Variants in ZFHX3 observed in about 807,000 individuals in gnomAD.
ZFHX3 encodes zinc finger homeobox protein 3.
A neutral mutation model predicts 279.1 loss-of-function variants in ZFHX3; 42 were observed. That is an observed-to-expected ratio of 0.15 (90% CI 0.12 to 0.19). The LOEUF (loss-of-function observed/expected upper bound fraction) is 0.19. ZFHX3 is among the 10% of genes least tolerant of loss of function. The pLI, the probability that ZFHX3 is intolerant of heterozygous loss-of-function variation, is 1.00. For missense variants in ZFHX3, 4,981 were observed against 4,754.0 expected (o/e 1.05, Z -1.40); for synonymous variants, 2,293 against 1,957.8 (o/e 1.17, Z -4.52).
chr16:73,879,763 T>A lies in ZFHX3; in HGVS notation c.-1608+11888A>T, dbSNP rs555463099. On this transcript the variant is annotated intron_variant, in intron 1 of 17. Transcript: ENST00000641206. ...CACAGTGTTGACATTTGGGGCCAGA[T>A]AATTACTGTAGGATGGTGAGCAGTG... Among the ~76,000 whole-genome samples, 3 of 152,200 alleles carry A rather than the reference T, an allele frequency of 2.0e-5. No individual in the cohort carries two copies. The East Asian group carries it at 5.8e-4, about 29-fold the overall frequency.
intron 3 of ZFHX3, among the ~76,000 whole-genome samples, chr16:72,903,299 C>G (rs2039086005): frequency 6.6e-6 from 1 of 152,176 alleles, no homozygotes; most frequent in Non-Finnish European, 1.5e-5. Context: ...ACAGCACCCT[C>G]TGGGAATGTC....
At chr16:73,187,498 T>A (rs1967940092) in intron 5 of ZFHX3, among the ~76,000 whole-genome samples, 1 of 152,160 alleles carries the variant, frequency 6.6e-6, no homozygotes, top group Admixed American at 6.5e-5. Flanking sequence ...GATGAGATAA[T>A]GTTTTAGAGG....
chr16:72,997,052 C>T (rs991757015), intron 1 of ZFHX3, among the ~76,000 whole-genome samples: 6 of 152,076 alleles, frequency 3.9e-5, no homozygotes, highest in Non-Finnish European at 5.9e-5. Flanking sequence ...CCGTTGGGCC[C>T]GGCTCAAAAA....
chr16:73,824,636 G>A (rs1234590773), intron 1 of ZFHX3, among the ~76,000 whole-genome samples: 1 of 113,968 alleles, frequency 8.8e-6, no homozygotes, highest in East Asian at 2.5e-4. Flanking sequence ...CCACCTATGC[G>A]TGAGAATATG....
intron 3 of ZFHX3, among the ~76,000 whole-genome samples, chr16:73,326,397 C>T (rs970471021): frequency 3.3e-5 from 5 of 152,148 alleles, no homozygotes; most frequent in Admixed American, 6.5e-5. Flanking sequence ...CAGTGCAATG[C>T]AGTGGGTGCT....
At chr16:73,811,710 G>T (rs1960431815) in intron 1 of ZFHX3, among the ~76,000 whole-genome samples, 1 of 152,112 alleles carries the variant, frequency 6.6e-6, no homozygotes, top group South Asian at 2.1e-4. Context: ...CTCCCAAAGT[G>T]CTGGGATTAT....
intron 4 of ZFHX3, among the ~76,000 whole-genome samples, chr16:72,888,110 A>G (rs2038676305): frequency 6.6e-6 from 1 of 152,166 alleles, no homozygotes; most frequent in African/African-American, 2.4e-5. Context: ...CAAAAGAAAT[A>G]TCTGAAAGTT....
At chr16:72,886,295 G>A (rs912226865) in intron 4 of ZFHX3, among the ~76,000 whole-genome samples, 10 of 151,988 alleles carry the variant, frequency 6.6e-5, no homozygotes, top group African/African-American at 2.4e-4. Context: ...AGGGGAGAGA[G>A]CAAAAACATG....
At chr16:73,265,479 T>A (rs1168188576) in intron 4 of ZFHX3, among the ~76,000 whole-genome samples, 1 of 152,186 alleles carries the variant, frequency 6.6e-6, no homozygotes, top group Non-Finnish European at 1.5e-5. Context: ...GGGGTTTTTT[T>A]GTTTGTTTTT....
chr16:73,751,944 T>C (rs2053765798), intron 1 of ZFHX3, among the ~76,000 whole-genome samples: 2 of 152,158 alleles, frequency 1.3e-5, no homozygotes, highest in African/African-American at 4.8e-5. Flanking sequence ...AGAAGCCAGG[T>C]CAATCGGGTT....
At chr16:72,820,934 T>C (rs989742025) in intron 5 of ZFHX3, among the ~76,000 whole-genome samples, 1 of 151,968 alleles carries the variant, frequency 6.6e-6, no homozygotes, top group Non-Finnish European at 1.5e-5. Context: ...CTCCACCGAG[T>C]CAAACAATAA....
intron 2 of ZFHX3, among the ~76,000 whole-genome samples, chr16:73,484,624 T>C (rs2018941083): frequency 6.6e-6 from 1 of 152,210 alleles, no homozygotes; most frequent in Non-Finnish European, 1.5e-5. Flanking sequence ...AGCAGGGAAC[T>C]GTGATGCCTA....
chr16:73,014,808 G>T lies in ZFHX3; in HGVS notation c.-50+32944C>A, dbSNP rs376531779. ...ATTACAGGCATGAGCCACCATGTCCGGCCTATGTGGTAACTTCTTACGGCA... is the reference window on the plus strand; with the variant it reads ...ATTACAGGCATGAGCCACCATGTCCTGCCTATGTGGTAACTTCTTACGGCA... On this transcript the variant is annotated intron_variant, in intron 1 of 9. Coordinates refer to ENST00000268489, the MANE Select transcript of ZFHX3 (RefSeq NM_006885.4). 4.3e-4 allele frequency among the ~76,000 whole-genome samples: 65 copies of T among 151,894 alleles called. No homozygotes were observed. In the South Asian group the frequency reaches 0.012, roughly 28 times the overall value.
intron 8 of ZFHX3, among the ~76,000 whole-genome samples, chr16:73,078,351 G>A (rs781691089): frequency 1.3e-5 from 2 of 152,126 alleles, no homozygotes. Flanking sequence ...GAGCACAAAG[G>A]TGGCATCCTT....
chr16:72,970,033 C>A (rs1034609351), intron 1 of ZFHX3, among the ~76,000 whole-genome samples: 6 of 152,164 alleles, frequency 3.9e-5, no homozygotes, highest in African/African-American at 1.4e-4. Flanking sequence ...CTATTTCCAG[C>A]ATGAACATAA....
intron 5 of ZFHX3, among the ~76,000 whole-genome samples, chr16:73,255,392 G>A (rs1422908091): frequency 2.0e-5 from 3 of 152,226 alleles, no homozygotes; most frequent in Admixed American, 6.5e-5. Context: ...AGCACTGGGT[G>A]TTGTATGGAA....
intron 3 of ZFHX3, among the ~76,000 whole-genome samples, chr16:73,331,900 C>A (rs1344445392): frequency 6.6e-6 from 1 of 152,092 alleles, no homozygotes; most frequent in African/African-American, 2.4e-5. Flanking sequence ...TAAAAGAGGA[C>A]AGCTAGCATC....
intron 1 of ZFHX3, among the ~76,000 whole-genome samples, chr16:73,821,037 G>T (rs907076848): frequency 6.6e-6 from 1 of 152,132 alleles, no homozygotes; most frequent in African/African-American, 2.4e-5. Flanking sequence ...TCTAGAGAGC[G>T]TGAGTCTCCT....
At chr16:73,324,254 G>C (rs570789318) in intron 3 of ZFHX3, among the ~76,000 whole-genome samples, 1 of 152,306 alleles carries the variant, frequency 6.6e-6, no homozygotes, top group East Asian at 1.9e-4. Flanking sequence ...TTTCCTAACA[G>C]TGTCATTCTT....
Sources: allele counts gnomAD v4.1 joint callset (sites outside exome capture counted in the v4.1 genomes callset), GRCh38; gene constraint gnomAD v4.1.1; transcripts MANE v1.5; gene names NCBI Gene and HGNC (gene_info 2026-07-23, HGNC 2026-07-21).